Variants in RPH3AL observed in about 807,000 individuals in gnomAD.
RPH3AL encodes rab effector Noc2.
In RPH3AL, 38 loss-of-function variants were observed where a neutral mutation model predicts 43.1. The ratio of observed to expected loss-of-function variants is 0.88; its 90% CI spans 0.68 to 1.15. The LOEUF is 1.15. Among genes scored for constraint, RPH3AL ranks in the 50% most tolerant of loss-of-function variants. RPH3AL has a pLI of 0.00. For synonymous variants in RPH3AL, 189 were observed against 176.3 expected (o/e 1.07, Z -0.57); for missense variants, 462 against 423.2 (o/e 1.09, Z -0.81).
chr17:225,781 C>T lies in RPH3AL; in HGVS notation c.614-6045G>A, dbSNP rs147205908. On this transcript the variant is annotated intron_variant, in intron 7 of 9. Transcript: ENST00000331302. This position sits in a 1 kb window ranked among gnomAD's most constrained non-coding sequence, Gnocchi z 4.4. ...GAAAATCTACACAGTCTGGGGCTGGCGGTGGGCACGGGGCTCCGTGGTGTC... is the reference window on the plus strand; with the variant it reads ...GAAAATCTACACAGTCTGGGGCTGGTGGTGGGCACGGGGCTCCGTGGTGTC... Among the ~76,000 whole-genome samples the T allele has an allele frequency of 1.4e-4, 21 of 152,306 alleles. No individual in the cohort carries two copies. Among genetic ancestry groups the T allele is most frequent in the African/African-American group, 4.8e-4 (20 of 41,584 alleles).
intron 5 of RPH3AL, among the ~76,000 whole-genome samples, chr17:312,804 G>A (rs967878354): frequency 2.0e-5 from 3 of 152,186 alleles, no homozygotes; most frequent in Non-Finnish European, 2.9e-5. Context: ...CCGCGCCACC[G>A]TGGCCAAGCT....
rs1192506616 is a variant in RPH3AL at position 323,620 on chromosome 17, C to G, written c.78-2205G>C. ...TCAGGGAATCACCACTCCCTCCACC[C>G]TCCAGCTAATGTAGAGAAAGGAAGG... On this transcript the variant is annotated intron_variant, in intron 3 of 9. Coordinates refer to ENST00000331302, the MANE Select transcript of RPH3AL (RefSeq NM_006987.4). The surrounding 1 kb of genome is among the most constrained non-coding windows in gnomAD (Gnocchi z 4.4). 2.0e-5 allele frequency among the ~76,000 whole-genome samples: 3 copies of G among 152,150 alleles called. No homozygotes were observed. Among genetic ancestry groups the G allele is most frequent in the African/African-American group, 7.2e-5 (3 of 41,410 alleles).
chr17:346,867 A>C lies in RPH3AL; in HGVS notation c.-213+5845T>G, dbSNP rs960349410. ...GGGAATTGCAAATTAAAACAACAAG[A>C]TACTACTACACACCTGTTAGAACAG... is the stretch of plus-strand genomic sequence containing the variant. On this transcript the variant is annotated intron_variant, in intron 1 of 9. Coordinates refer to ENST00000331302, the MANE Select transcript of RPH3AL (RefSeq NM_006987.4). Among the ~76,000 whole-genome samples, 4 of 135,830 alleles carry C rather than the reference A, an allele frequency of 2.9e-5. 1 individual carries two copies. The highest frequency in any genetic ancestry group is 1.0e-4 in the African/African-American group (4 of 39,598). The allele number at this position is 135,830 out of a possible 152,430, so 89.1% of individuals were successfully genotyped here. A position where few individuals can be genotyped will look rare whatever the true frequency, so the allele number is the denominator to read the frequency against.
intron 7 of RPH3AL, among the ~76,000 whole-genome samples, chr17:232,553 G>A (rs77510547): frequency 0.013 from 2,034 of 152,278 alleles, 48 homozygotes; most frequent in African/African-American, 0.046. Context: ...CGGGACCCAC[G>A]GTGGCCTCGG....
chr17:344,987 C>A lies in RPH3AL; in HGVS notation c.-213+7725G>T, dbSNP rs1397336128. 1.5e-4 allele frequency among the ~76,000 whole-genome samples: 20 copies of A among 135,596 alleles called. 4 individuals are homozygous for A. The highest frequency in any genetic ancestry group is 3.0e-4 in the African/African-American group (12 of 39,602). 89.0% of individuals were successfully genotyped at this position (135,596 alleles called of 152,430 possible). On this transcript the variant is annotated intron_variant, in intron 1 of 9. Coordinates refer to ENST00000331302, the MANE Select transcript of RPH3AL (RefSeq NM_006987.4). Reference sequence around the variant, plus strand: ...AGAGGCAGGAGGCCCGTTGGTGAGGCCAAATCAAAAACCATCCTGGCCTGT... The same window carrying A: ...AGAGGCAGGAGGCCCGTTGGTGAGGACAAATCAAAAACCATCCTGGCCTGT...
intron 2 of RPH3AL, among the ~76,000 whole-genome samples, chr17:329,355 A>C (rs985650717): frequency 6.6e-6 from 1 of 152,194 alleles, no homozygotes; most frequent in South Asian, 2.1e-4. Context: ...GAGTGCCTGT[A>C]ATCCCAGCTA....
At chr17:235,227 G>A (rs1467573526) in intron 7 of RPH3AL, among the ~76,000 whole-genome samples, 1 of 151,068 alleles carries the variant, frequency 6.6e-6, no homozygotes. Context: ...GTCGGCGGAG[G>A]CTCCGCACTA....
intron 7 of RPH3AL, among the ~76,000 whole-genome samples, chr17:237,727 A>C (rs1428842243): frequency 6.6e-6 from 1 of 152,228 alleles, no homozygotes; most frequent in African/African-American, 2.4e-5. Flanking sequence ...CCAGGATCCC[A>C]GGCCGAGGTC....
At chr17:339,736 T>C (rs1310116372) in intron 1 of RPH3AL, 1 of 152,180 alleles carries the variant, frequency 6.6e-6, no homozygotes, top group Non-Finnish European at 1.5e-5. Context: ...GCAGGTGCGG[T>C]GCCTACAGGT....
At position 254,524 on chromosome 17, in the gene RPH3AL, T is replaced by C. The variant is rs1410537686; in HGVS notation, c.439-7239A>G. 6.1e-4 allele frequency among the ~76,000 whole-genome samples: 6 copies of C among 9,804 alleles called. 2 individuals are homozygous for C. In the African/African-American group the frequency reaches 7.4e-3, roughly 12 times the overall value. The allele number at this position is 9,804 out of a possible 152,430, so 6.4% of individuals were successfully genotyped here. On this transcript the variant is annotated intron_variant, in intron 6 of 9. Transcript: ENST00000331302. The stretch of plus-strand genomic sequence containing the variant: ...CCTATGAGGGGAGCTGCACGGCGTC[T>C]GTCCTTTTCCATCCCTAGGAATGTG...
At chr17:331,160 G>C (rs1396796459) in intron 2 of RPH3AL, 1 of 153,362 alleles carries the variant, frequency 6.5e-6, no homozygotes, top group South Asian at 2.0e-4. Flanking sequence ...GCCCTCCCCA[G>C]CCCAGTCCAC....
At chr17:317,449 C>CT (rs2044310582) in intron 5 of RPH3AL, among the ~76,000 whole-genome samples, 1 of 114,266 alleles carries the variant, frequency 8.8e-6, no homozygotes, top group African/African-American at 2.9e-5. Flanking sequence ...AGTCCATGTG[C>CT]CCCCACCTCC....
chr17:316,988 C>A (rs2044261021), intron 5 of RPH3AL, among the ~76,000 whole-genome samples: 4 of 148,542 alleles, frequency 2.7e-5, no homozygotes, highest in East Asian at 2.1e-4. Flanking sequence ...CCTGTAGTCC[C>A]TGTGACCCCA....
At chr17:216,483 G>T (rs949334622) in intron 8 of RPH3AL, among the ~76,000 whole-genome samples, 3 of 152,122 alleles carry the variant, frequency 2.0e-5, no homozygotes, top group Non-Finnish European at 2.9e-5. Context: ...TCTGGTCTTT[G>T]CCTGGCCAAG....
At chr17:273,460 C>T (rs369537638) in intron 6 of RPH3AL, among the ~76,000 whole-genome samples, 21 of 46,342 alleles carry the variant, frequency 4.5e-4, no homozygotes, top group African/African-American at 9.7e-4. Flanking sequence ...CCAGCGAGGG[C>T]GACGTCAGGG....
rs190551218 is a variant in RPH3AL at position 260,294 on chromosome 17, G to A, written c.439-13009C>T. ...AGGGCCCCTCTGTCGTGCTCCCAGA[G>A]GCCATGTGGTCCCACTGGTACAGCA... On this transcript the variant is annotated intron_variant, in intron 6 of 9. Coordinates refer to ENST00000331302, the MANE Select transcript of RPH3AL (RefSeq NM_006987.4). Among the ~76,000 whole-genome samples the A allele has an allele frequency of 5.9e-5, 9 of 152,312 alleles. No homozygotes were observed. The East Asian group carries it at 1.7e-3, about 29-fold the overall frequency.
chr17:250,412 A>C (rs2041870893), intron 6 of RPH3AL, among the ~76,000 whole-genome samples: 1 of 134,546 alleles, frequency 7.4e-6, no homozygotes. Flanking sequence ...TCGCTGCGGG[A>C]CCTCTCAGAG....
chr17:318,017 G>A (rs1437761399), intron 5 of RPH3AL, among the ~76,000 whole-genome samples: 1 of 147,752 alleles, frequency 6.8e-6, no homozygotes, highest in African/African-American at 2.5e-5. Context: ...TTGTTTTTTA[G>A]TTCCCTTGCC....
Position 245,190 on chromosome 17 carries a change from T to C in RPH3AL, c.613+1921A>G, listed in dbSNP as rs1057273654. Among the ~76,000 whole-genome samples, 1 of 150,734 alleles carries C rather than the reference T, an allele frequency of 6.6e-6. No homozygotes were observed. The highest frequency in any genetic ancestry group is 1.5e-5 in the Non-Finnish European group (1 of 67,808). ...GTGTCTGTGTGTACGTGGATGTCTG[T>C]GTGTGTGGATGTGAGCGTGTGTGTC... On this transcript the variant is annotated intron_variant, in intron 7 of 9. Transcript: ENST00000331302. This position sits in a 1 kb window ranked among gnomAD's most constrained non-coding sequence, Gnocchi z 5.9.
Sources: allele counts gnomAD v4.1 joint callset (sites outside exome capture counted in the v4.1 genomes callset), GRCh38; gene constraint gnomAD v4.1.1; non-coding constraint Gnocchi (gnomAD v3.1); transcripts MANE v1.5; gene names NCBI Gene and HGNC (gene_info 2026-07-23, HGNC 2026-07-21).